KIF5C: variants seen among roughly 807,000 people sequenced by gnomAD.
The protein encoded by KIF5C is kinesin heavy chain isoform 5C.
In KIF5C, 18 loss-of-function variants were observed where a neutral mutation model predicts 125.2. The ratio of observed to expected loss-of-function variants is 0.14; its 90% confidence interval spans 0.10 to 0.21. The LOEUF (loss-of-function observed/expected upper bound fraction) is 0.21. Ranked by LOEUF, KIF5C falls within the 10% of genes least tolerant of loss-of-function variation. The pLI is 1.00. For missense variants in KIF5C, 780 were observed against 1,183.8 expected, an observed-to-expected ratio of 0.66 and a Z score of 5.01; for synonymous variants, 405 against 434.0, an observed-to-expected ratio of 0.93 and a Z score of 0.83.
chr2:148,944,154 T>C (rs948368156), intron 7 of KIF5C, among the ~76,000 whole-genome samples: 1 of 152,198 alleles, frequency 6.6e-6, no homozygotes, highest in Non-Finnish European at 1.5e-5. Context: ...GGTTTTTCTT[T>C]ATTATTGCAA....
chr2:148,947,745 C>T (rs1394038277), intron 8 of KIF5C, among the ~76,000 whole-genome samples: 1 of 152,198 alleles, frequency 6.6e-6, no homozygotes, highest in African/African-American at 2.4e-5. Context: ...GCTGCCACAC[C>T]CTGTCTGGAG....
At chr2:148,995,677 AT>A (rs1681648983) in intron 17 of KIF5C, among the ~76,000 whole-genome samples, 1 of 152,238 alleles carries the variant, frequency 6.6e-6, no homozygotes, top group African/African-American at 2.4e-5. Flanking sequence ...TCATTGCAGA[AT>A]TTTAGATCAG....
chr2:148,962,078 T>C lies in KIF5C; in HGVS notation c.1076T>C (p.Val359Ala). 6.2e-7 allele frequency: 1 copy of C among 1,612,798 alleles called. No homozygotes were observed. Among genetic ancestry groups the C allele is most frequent in the Non-Finnish European group, 8.5e-7 (1 of 1,179,322 alleles). Residue 359 changes from valine (V) to alanine (A), a missense_variant, in exon 11 of 26, where the codon GTT becomes GCT. By Grantham distance (64) the Val-to-Ala change is moderately conservative. Transcript: ENST00000435030. The stretch of plus-strand genomic sequence containing the variant: ...GAGAAAAACAAGACTTTGAAGAATG[T>C]TATCCAGCATCTGGAGATGGAGCTA... ...EKEKNKTLKN[V>A]IQHLEMELNR...
chr2:148,931,110 T>G (rs1682174346), intron 3 of KIF5C, among the ~76,000 whole-genome samples: 1 of 152,220 alleles, frequency 6.6e-6, no homozygotes, highest in Non-Finnish European at 1.5e-5. Context: ...TTTTTTTGTT[T>G]GTTTGTTTTG....
intron 8 of KIF5C, chr2:148,947,479 C>T (rs1478068705): frequency 5.3e-6 from 1 of 187,148 alleles, no homozygotes; most frequent in African/African-American, 2.4e-5. Flanking sequence ...TGGGGCGCTC[C>T]CTGCATTCCC....
chr2:148,976,245 T>TTTTTTTTATTTA (rs1553468292), intron 12 of KIF5C, among the ~76,000 whole-genome samples: 1,592 of 143,934 alleles, frequency 0.011, 39 homozygotes, highest in African/African-American at 0.036. Flanking sequence ...TATTATTTTG[T>TTTTTTTTATTTA]TTTATTTATT....
intron 15 of KIF5C, among the ~76,000 whole-genome samples, chr2:148,989,549 A>G (rs1335733772): frequency 6.6e-6 from 1 of 152,204 alleles, no homozygotes; most frequent in Non-Finnish European, 1.5e-5. Context: ...TTAGTTCTTT[A>G]AAGAATCTCC....
At chr2:148,990,145 T>G (rs568846673) in intron 15 of KIF5C, among the ~76,000 whole-genome samples, 1 of 152,352 alleles carries the variant, frequency 6.6e-6, no homozygotes, top group South Asian at 2.1e-4. Context: ...GGTCAATTGC[T>G]CTTAAAGACC....
chr2:148,949,913 A>G lies in KIF5C; in HGVS notation c.789A>G (p.Gly263=). The part of the protein sequence containing the change: ...KNINKSLSAL[G]NVISALAEGT... ...TCAATAAGTCTTTGTCTGCTCTTGG[A>G]AATGTGATCTCTGCTTTGGCAGAAG... The change falls in exon 9 of 26, where the codon GGA becomes GGG. Residue 263 remains glycine (G), a synonymous_variant. Transcript: ENST00000435030. 1 of 1,613,794 alleles carries G rather than the reference A, an allele frequency of 6.2e-7. No individual in the cohort carries two copies.
chr2:149,014,215 G>C (rs1374492968), intron 25 of KIF5C, among the ~76,000 whole-genome samples: 4 of 152,192 alleles, frequency 2.6e-5, no homozygotes, highest in Non-Finnish European at 4.4e-5. Context: ...AGTAGAGACA[G>C]GGTTTCACCA....
rs746915227 is a variant in KIF5C at position 148,983,626 on chromosome 2, T to C, written c.1576T>C (p.Leu526=). Reference sequence around the variant, plus strand: ...GTTGAAATTTGTTTTTCAGACTACATTGACAACCACACAGAGAGAGCTGAG... The same window carrying C: ...GTTGAAATTTGTTTTTCAGACTACACTGACAACCACACAGAGAGAGCTGAG... ...TDELAQKTTT[L]TTTQRELSQL... The change falls in exon 15 of 26, where the codon TTG becomes CTG. Residue 526 remains leucine (L), a synonymous_variant. Transcript: ENST00000435030. 6.4e-7 allele frequency: 1 copy of C among 1,568,692 alleles called. No individual in the cohort carries two copies. The highest frequency in any genetic ancestry group is 1.2e-5 in the South Asian group (1 of 85,050).
At chr2:149,012,852 C>T (rs912219659) in intron 25 of KIF5C, among the ~76,000 whole-genome samples, 2 of 152,246 alleles carry the variant, frequency 1.3e-5, no homozygotes, top group Non-Finnish European at 2.9e-5. Flanking sequence ...TGCTTCCAAT[C>T]AGAAATAGAA....
intron 11 of KIF5C, among the ~76,000 whole-genome samples, chr2:148,964,702 AG>A (rs1283292065): frequency 6.6e-6 from 1 of 151,912 alleles, no homozygotes; most frequent in Non-Finnish European, 1.5e-5. Context: ...CAGGCAAAAT[AG>A]GGGGCATGAG....
In KIF5C at chr2:148,875,751, G is replaced by A; in HGVS notation, c.126+8G>A. 1.2e-6 allele frequency: 2 copies of A among 1,601,482 alleles called. No homozygotes were observed. Among genetic ancestry groups the A allele is most frequent in the Non-Finnish European group, 8.5e-7 (1 of 1,174,804 alleles). On this transcript the variant is annotated splice_region_variant and intron_variant, in intron 1 of 25. Transcript: ENST00000435030. The stretch of plus-strand genomic sequence containing the variant: ...GAGACCGTGGTGATCGGGGTAAGTG[G>A]CTGGGGCGTCTGCCTTCCCTGCTGC...
At position 148,931,657 on chromosome 2, in the gene KIF5C, C is replaced by T. The variant is rs191699259; in HGVS notation, c.291+2303C>T. 4.9e-4 allele frequency among the ~76,000 whole-genome samples: 75 copies of T among 151,914 alleles called. No homozygotes were observed. In the East Asian group the frequency reaches 0.013, roughly 25 times the overall value. The stretch of plus-strand genomic sequence containing the variant: ...CAGCCTGGGTGACAGAACAAGACTC[C>T]GTCTCAAAAAAAATAGTAATAATAA... On this transcript the variant is annotated intron_variant, in intron 3 of 25. Transcript: ENST00000435030.
In KIF5C at chr2:149,007,424, C is replaced by T. The variant is rs541908292; in HGVS notation, c.2446-539C>T. The stretch of plus-strand genomic sequence containing the variant: ...AAATTTCAAGAATTTACCCAGCACC[C>T]GGATGCTATGATTAATTTGAGCCTG... On this transcript the variant is annotated intron_variant, in intron 22 of 25. Transcript: ENST00000435030. Among the ~76,000 whole-genome samples the T allele has an allele frequency of 3.0e-4, 45 of 152,176 alleles. No homozygotes were observed. The South Asian group carries it at 8.9e-3, about 30-fold the overall frequency.
Position 148,942,726 on chromosome 2 carries a change from T to C in KIF5C, c.555T>C (p.Asp185=), listed in dbSNP as rs1458140812. 2.5e-6 allele frequency: 4 copies of C among 1,611,416 alleles called. No individual in the cohort carries two copies. In the South Asian group the frequency reaches 4.4e-5, roughly 18 times the overall value. ...CTGAGGAAGTCATGGATGTAATAGA[T>C]GAAGGCAAAGCAAACCGACACGTGG... ...SSPEEVMDVI[D]EGKANRHVAV... Residue 185 remains aspartate, a synonymous_variant, in exon 7 of 26, where the codon GAT becomes GAC. Transcript: ENST00000435030.
intron 15 of KIF5C, among the ~76,000 whole-genome samples, chr2:148,990,653 T>G (rs1334071403): frequency 1.3e-5 from 2 of 152,236 alleles, no homozygotes; most frequent in East Asian, 3.8e-4. Flanking sequence ...TGGGTGTCGC[T>G]GCTGTTACAG....
intron 1 of KIF5C, among the ~76,000 whole-genome samples, chr2:148,901,899 A>T (rs920015426): frequency 6.6e-6 from 1 of 152,224 alleles, no homozygotes; most frequent in African/African-American, 2.4e-5. Flanking sequence ...ACAGCCTCTT[A>T]AAGAGTCAAT....
Sources: allele counts gnomAD v4.1 joint callset (sites outside exome capture counted in the v4.1 genomes callset), GRCh38; gene constraint gnomAD v4.1.1; transcripts MANE v1.5; gene names NCBI Gene and HGNC (gene_info 2026-07-23, HGNC 2026-07-21).